Variants in AQP11 observed in about 807,000 individuals in gnomAD.
AQP11 encodes aquaporin 11, also known as aquaporin-11.
A neutral mutation model predicts 21.1 loss-of-function variants in AQP11; 20 were observed. The ratio of observed to expected loss-of-function variants is 0.95; its 90% confidence interval spans 0.67 to 1.38. The LOEUF is 1.38. AQP11 is among the 40% of genes most tolerant of loss of function. The pLI is 0.00. For synonymous variants in AQP11, 167 were observed against 150.1 expected, an observed-to-expected ratio of 1.11 and a Z score of -0.82; for missense variants, 339 against 340.4, an observed-to-expected ratio of 1.00 and a Z score of 0.03.
At chr11:77,594,266 T>C (rs1958765780) in intron 1 of AQP11, among the ~76,000 whole-genome samples, 1 of 152,242 alleles carries the variant, frequency 6.6e-6, no homozygotes, top group Non-Finnish European at 1.5e-5. Flanking sequence ...AAAATGATGT[T>C]GTTGCCAAAT....
intron 1 of AQP11, among the ~76,000 whole-genome samples, chr11:77,602,312 T>A (rs1180677010): frequency 6.6e-6 from 1 of 152,230 alleles, no homozygotes; most frequent in South Asian, 2.1e-4. Context: ...TCATAGGTCA[T>A]ATTACATTAT....
intron 1 of AQP11, among the ~76,000 whole-genome samples, chr11:77,600,879 G>A (rs1466500009): frequency 6.6e-6 from 1 of 152,102 alleles, no homozygotes; most frequent in Non-Finnish European, 1.5e-5. Flanking sequence ...GGGCGTGGTG[G>A]CGGGCGCCTG....
intron 1 of AQP11, among the ~76,000 whole-genome samples, chr11:77,595,758 C>T (rs1400709640): frequency 6.6e-6 from 1 of 151,790 alleles, no homozygotes; most frequent in Non-Finnish European, 1.5e-5. Context: ...CCTGTCTCTA[C>T]TAAAAATACA....
chr11:77,603,144 A>C (rs1358263438), intron 1 of AQP11, among the ~76,000 whole-genome samples: 2 of 152,252 alleles, frequency 1.3e-5, no homozygotes, highest in Admixed American at 6.5e-5. Context: ...TTTTCAATAC[A>C]AAGTTATGCT....
chr11:77,590,216 C>T lies in AQP11; in HGVS notation c.224C>T (p.Pro75Leu). Residue 75 changes from proline to leucine, a missense_variant, in exon 1 of 3, where the codon CCC becomes CTC. Pro to Leu is a moderately conservative substitution (Grantham distance 98). Coordinates refer to ENST00000313578, the MANE Select transcript of AQP11 (RefSeq NM_173039.3). ...QLLSEQHPAH[P>L]TWTLTLVYFF... ...CTGAGCGAACAGCACCCCGCGCACC[C>T]CACCTGGACGCTGACGCTCGTCTAC... The T allele has an allele frequency of 6.3e-7, 1 of 1,593,288 alleles. No individual in the cohort carries two copies. The highest frequency in any genetic ancestry group is 8.5e-7 in the Non-Finnish European group (1 of 1,169,744).
Position 77,609,545 on chromosome 11 carries a change from T to C in AQP11, c.*168T>C. The C allele has an allele frequency of 4.1e-6, 2 of 482,952 alleles. No individual in the cohort carries two copies. The highest frequency in any genetic ancestry group is 7.2e-6 in the Non-Finnish European group (2 of 276,760). The allele number at this position is 482,952 out of a possible 1,614,324, so 29.9% of individuals were successfully genotyped here. The stretch of plus-strand genomic sequence containing the variant: ...CTGGGACTTTAAAAAAAAATTACTG[T>C]GAAAATGAGGTATTCTGTACTTCTC... On this transcript the variant is annotated 3_prime_UTR_variant, in exon 3 of 3. Transcript: ENST00000313578.
intron 1 of AQP11, among the ~76,000 whole-genome samples, chr11:77,598,756 C>T (rs894734424): frequency 3.9e-5 from 6 of 152,124 alleles, no homozygotes; most frequent in Non-Finnish European, 5.9e-5. Flanking sequence ...GCTCTGTCGC[C>T]CAGGCTGGAG....
chr11:77,592,777 G>C (rs1229626750), intron 1 of AQP11, among the ~76,000 whole-genome samples: 1 of 152,100 alleles, frequency 6.6e-6, no homozygotes, highest in Non-Finnish European at 1.5e-5. Context: ...TTCTTGAAAT[G>C]AGGGTACTAA....
At chr11:77,603,747 A>G in intron 2 of AQP11, 75 bp downstream of exon 2, 1 of 1,106,276 alleles carries the variant, frequency 9.0e-7, no homozygotes, top group Non-Finnish European at 1.3e-6. Flanking sequence ...TCATTGTAAC[A>G]TGTCAATTTC....
At position 77,590,279 on chromosome 11, in the gene AQP11, C is replaced by A. The variant is rs1218668329; in HGVS notation, c.287C>A (p.Thr96Lys). The change falls in exon 1 of 3, where the codon ACG (threonine) becomes AAG (lysine). Residue 96 changes from threonine (T) to lysine (K), a missense_variant. Physicochemically the swap from Thr to Lys is moderately conservative, Grantham distance 78. Transcript: ENST00000313578. ...GTGCATGGCCTGACTCTGGTGGGCA[C>A]GTCCAGCAACCCGTGCGGCGTGATG... is the stretch of plus-strand genomic sequence containing the variant. ...SLVHGLTLVG[T>K]SSNPCGVMMQ... 2 of 1,603,408 alleles carry A rather than the reference C, an allele frequency of 1.2e-6. No homozygotes were observed. Among genetic ancestry groups the A allele is most frequent in the South Asian group, 1.1e-5 (1 of 90,032 alleles).
intron 1 of AQP11, among the ~76,000 whole-genome samples, chr11:77,597,445 G>A (rs544721603): frequency 1.1e-4 from 16 of 152,228 alleles, no homozygotes; most frequent in Non-Finnish European, 1.8e-4. Context: ...GGTGGCTCGC[G>A]CCTGTAGTCT....
At chr11:77,601,580 G>C (rs549651076) in intron 1 of AQP11, among the ~76,000 whole-genome samples, 1 of 152,158 alleles carries the variant, frequency 6.6e-6, no homozygotes, top group East Asian at 1.9e-4. Flanking sequence ...AAACTCCTGG[G>C]CTCAAGTGAT....
intron 1 of AQP11, among the ~76,000 whole-genome samples, chr11:77,600,405 G>A (rs1488325343): frequency 2.6e-5 from 4 of 152,138 alleles, no homozygotes; most frequent in Non-Finnish European, 5.9e-5. Context: ...TCCTTCAAGG[G>A]GCAAGTAGTT....
At chr11:77,595,696 C>T (rs1474733673) in intron 1 of AQP11, among the ~76,000 whole-genome samples, 9 of 152,006 alleles carry the variant, frequency 5.9e-5, no homozygotes, top group South Asian at 4.2e-4. Context: ...CAGAGGCAGG[C>T]GGATCACCTG....
chr11:77,602,962 C>T (rs1958823526), intron 1 of AQP11, among the ~76,000 whole-genome samples: 1 of 152,200 alleles, frequency 6.6e-6, no homozygotes, highest in African/African-American at 2.4e-5. Flanking sequence ...CTCCTAGCCC[C>T]ATGCCAGAGA....
At chr11:77,591,829 G>A (rs1038716148) in intron 1 of AQP11, among the ~76,000 whole-genome samples, 1 of 152,134 alleles carries the variant, frequency 6.6e-6, no homozygotes, top group African/African-American at 2.4e-5. Context: ...AGCTGAGATC[G>A]CGCCATTTTA....
chr11:77,604,403 A>T (rs1359814869), intron 2 of AQP11, among the ~76,000 whole-genome samples: 1 of 152,244 alleles, frequency 6.6e-6, no homozygotes, highest in South Asian at 2.1e-4. Flanking sequence ...ACACAAAATT[A>T]TACAATATAC....
At chr11:77,600,209 T>TA (rs1958807836) in intron 1 of AQP11, among the ~76,000 whole-genome samples, 1 of 151,560 alleles carries the variant, frequency 6.6e-6, no homozygotes, top group African/African-American at 2.4e-5. Flanking sequence ...GCTCAGGCGA[T>TA]ACACCCACCT....
intron 2 of AQP11, among the ~76,000 whole-genome samples, chr11:77,604,481 G>A (rs1958832952): frequency 6.6e-6 from 1 of 152,136 alleles, no homozygotes; most frequent in South Asian, 2.1e-4. Context: ...ATTTTGTTTA[G>A]TCATCTGTTT....
Sources: allele counts gnomAD v4.1 joint callset (sites outside exome capture counted in the v4.1 genomes callset), GRCh38; gene constraint gnomAD v4.1.1; transcripts MANE v1.5; gene names NCBI Gene and HGNC (gene_info 2026-07-23, HGNC 2026-07-21).